Variants in WNK1 observed in about 807,000 individuals in gnomAD.
The protein encoded by WNK1 is serine/threonine-protein kinase WNK1.
In WNK1, 38 loss-of-function variants were observed where a neutral mutation model predicts 222.8. The observed-to-expected ratio is 0.17, with a 90% CI of 0.13 to 0.22. WNK1 has a LOEUF of 0.22. Among genes scored for constraint, WNK1 ranks in the 10% least tolerant of loss-of-function variants. The pLI is 1.00. For synonymous variants in WNK1, 1,090 were observed against 1,092.9 expected (o/e 1.00, Z 0.05); for missense variants, 2,348 against 2,918.4 (o/e 0.80, Z 4.50).
intron 9 of WNK1, among the ~76,000 whole-genome samples, chr12:875,112 G>C (rs1204383482): frequency 6.6e-6 from 1 of 152,138 alleles, no homozygotes; most frequent in African/African-American, 2.4e-5. Context: ...CTTTAGTTTG[G>C]TTTAACTAGA....
chr12:905,553 CCT>C lies in WNK1; in HGVS notation c.6644-2293_6644-2292del, dbSNP rs72650794. On this transcript the variant is annotated intron_variant, in intron 26 of 27. Transcript: ENST00000315939. ...ATTTAGCTTTTGACAGCTCTGCTCC[CCT>C]GTGATTATTTCTGTTTTTTGTTTTG... is the stretch of plus-strand genomic sequence containing the variant. Among the ~76,000 whole-genome samples, 1,302 of 152,262 alleles carry C rather than the reference CCT, an allele frequency of 8.6e-3. 27 individuals carry two copies. The highest frequency in any genetic ancestry group is 0.03 in the African/African-American group (1,238 of 41,542).
chr12:759,529 C>T (rs1940710497), intron 1 of WNK1, among the ~76,000 whole-genome samples: 1 of 147,310 alleles, frequency 6.8e-6, no homozygotes, highest in African/African-American at 2.4e-5. Context: ...TGGGGTTTCA[C>T]CATGTTGGCC....
intron 25 of WNK1, 72 bp downstream of exon 25, chr12:897,753 G>A: frequency 6.7e-7 from 1 of 1,484,840 alleles, no homozygotes; most frequent in Non-Finnish European, 9.3e-7. Context: ...TATGTGACCT[G>A]CTGAACATTT....
At chr12:875,656 G>A (rs769974172) in intron 9 of WNK1, among the ~76,000 whole-genome samples, 9 of 152,106 alleles carry the variant, frequency 5.9e-5, no homozygotes, top group Non-Finnish European at 1.0e-4. Flanking sequence ...TTATTTTAAT[G>A]TTATGTAAAT....
chr12:807,052 TGGAAAAGA>T (rs1946423551), intron 1 of WNK1, among the ~76,000 whole-genome samples: 1 of 150,904 alleles, frequency 6.6e-6, no homozygotes, highest in African/African-American at 2.5e-5. Flanking sequence ...CAAGTAAGTA[TGGAAAAGA>T]GGGAAAGAGG....
intron 4 of WNK1, among the ~76,000 whole-genome samples, chr12:846,377 G>A (rs1950025697): frequency 1.3e-5 from 2 of 152,166 alleles, no homozygotes; most frequent in South Asian, 2.1e-4. Flanking sequence ...AAAAACCGTA[G>A]CAGGCAATGA....
chr12:785,860 A>C (rs572132384), intron 1 of WNK1, among the ~76,000 whole-genome samples: 32 of 152,138 alleles, frequency 2.1e-4, no homozygotes, highest in Non-Finnish European at 3.8e-4. Flanking sequence ...TGAGTTGGGC[A>C]CTGAAAACTG....
chr12:901,797 G>A, intron 26 of WNK1: 2 of 296,486 alleles, frequency 6.7e-6, no homozygotes, highest in East Asian at 1.1e-4. Flanking sequence ...CAGAAGTTTG[G>A]GCCCCCACAT....
intron 1 of WNK1, among the ~76,000 whole-genome samples, chr12:775,466 G>C (rs1460353314): frequency 2.0e-5 from 3 of 152,086 alleles, no homozygotes; most frequent in Non-Finnish European, 4.4e-5. Flanking sequence ...CCAGCACTTT[G>C]GGAGGCCAAA....
rs780798451 is a variant in WNK1 at position 887,229 on chromosome 12, A to C, written c.5289A>C (p.Pro1763=). The change falls in exon 20 of 28, where the codon CCA becomes CCC. Residue 1763 remains proline, a synonymous_variant. Coordinates refer to ENST00000315939, the MANE Select transcript of WNK1 (RefSeq NM_018979.4). The stretch of plus-strand genomic sequence containing the variant: ...CCCTTTGTTGTCTGTAGGTGCTGCC[A>C]GTGGGTACTGAACTTCCAGCAGGTA... ...KPPLTKAPVL[P]VGTELPAGTL... 6.2e-7 allele frequency: 1 copy of C among 1,614,198 alleles called. No individual in the cohort carries two copies. Among genetic ancestry groups the C allele is most frequent in the Non-Finnish European group, 8.5e-7 (1 of 1,180,018 alleles).
At chr12:887,495 T>C (rs1341735723) in intron 20 of WNK1, among the ~76,000 whole-genome samples, 191 bp downstream of exon 20, 1 of 152,258 alleles carries the variant, frequency 6.6e-6, no homozygotes, top group African/African-American at 2.4e-5. Flanking sequence ...TTGTTTGTAA[T>C]GTTGCTTCCG....
At chr12:878,132 G>A in intron 9 of WNK1, 80 bp from the exon 10 acceptor site, 1 of 1,563,718 alleles carries the variant, frequency 6.4e-7, no homozygotes, top group Non-Finnish European at 8.8e-7. Context: ...AGACACTGAA[G>A]GCTTTAGGTA....
intron 1 of WNK1, among the ~76,000 whole-genome samples, chr12:767,161 C>T (rs940111026): frequency 2.7e-5 from 4 of 149,782 alleles, no homozygotes; most frequent in African/African-American, 7.4e-5. Flanking sequence ...TACTTGGACA[C>T]ACAAGAGCTT....
In WNK1 at chr12:867,879, C is replaced by T. The variant is rs774021513; in HGVS notation, c.2140-3386C>T. The T allele has an allele frequency of 1.7e-5, 27 of 1,613,746 alleles. No individual in the cohort carries two copies. The highest frequency in any genetic ancestry group is 3.3e-5 in the Admixed American group (2 of 59,970). On this transcript the variant is annotated intron_variant, in intron 8 of 27. Coordinates refer to ENST00000315939, the MANE Select transcript of WNK1 (RefSeq NM_018979.4). ...ATGTTGATACAGCCTCAGTCCATGG[C>T]GCATCCGTGTGGGGGGACCCCAACA...
At chr12:822,393 G>C (rs547713640) in intron 2 of WNK1, among the ~76,000 whole-genome samples, 4 of 152,036 alleles carry the variant, frequency 2.6e-5, no homozygotes, top group African/African-American at 9.7e-5. Flanking sequence ...GCCCGCAGCC[G>C]TAATATATCA....
At chr12:829,925 C>T in intron 3 of WNK1, 78 bp from the exon 4 acceptor site, 1 of 1,509,464 alleles carries the variant, frequency 6.6e-7, no homozygotes, top group Non-Finnish European at 9.2e-7. Context: ...CACAGGTCAA[C>T]CCCTCTGCTT....
intron 24 of WNK1, among the ~76,000 whole-genome samples, chr12:897,264 A>G (rs1954834872): frequency 6.6e-6 from 1 of 152,106 alleles, no homozygotes; most frequent in Non-Finnish European, 1.5e-5. Flanking sequence ...ATTATCAACC[A>G]TTTGTTGTTG....
chr12:791,225 C>CCACACA (rs141810227), intron 1 of WNK1, among the ~76,000 whole-genome samples: 18,478 of 145,118 alleles, frequency 0.13, 1,380 homozygotes, highest in Middle Eastern at 0.2. Flanking sequence ...ATTTCTCTCA[C>CCACACA]CACACACACA....
At position 865,239 on chromosome 12, in the gene WNK1, C is replaced by T. The variant is rs2154069216; in HGVS notation, c.2139+2969C>T. The T allele has an allele frequency of 3.3e-6, 5 of 1,536,086 alleles. No homozygotes were observed. Among genetic ancestry groups the T allele is most frequent in the Middle Eastern group, 3.3e-4 (2 of 5,988 alleles). ...CTGCACCTCTTTCTCCTTCCCTCCT[C>T]CGGACTGCCCCGAGGAAACTTTTGC... On this transcript the variant is annotated intron_variant, in intron 8 of 27. Coordinates refer to ENST00000315939, the MANE Select transcript of WNK1 (RefSeq NM_018979.4).
Sources: allele counts gnomAD v4.1 joint callset (sites outside exome capture counted in the v4.1 genomes callset), GRCh38; gene constraint gnomAD v4.1.1; transcripts MANE v1.5; gene names NCBI Gene and HGNC (gene_info 2026-07-23, HGNC 2026-07-21).